The following LRIF1 variants were observed in gnomAD, a reference collection of about 807,000 sequenced individuals.
LRIF1 encodes ligand-dependent nuclear receptor-interacting factor 1.
Under a neutral mutation model 52.7 loss-of-function variants are expected in LRIF1, and 32 were observed. The observed-to-expected ratio is 0.61, with a 90% CI of 0.46 to 0.82. The LOEUF (loss-of-function observed/expected upper bound fraction) is 0.82. Among genes scored for constraint, LRIF1 ranks in the 40% least tolerant of loss-of-function variants. LRIF1 has a pLI of 0.00. For synonymous variants in LRIF1, 323 were observed against 317.4 expected (o/e 1.02, Z -0.19); for missense variants, 887 against 892.0 (o/e 0.99, Z 0.07).
At chr1:110,931,759 G>A in the LRIF1 span, among the ~76,000 whole-genome samples, 3 of 152,140 alleles carry the variant, frequency 2.0e-5, no homozygotes, top group African/African-American at 7.2e-5. Context: ...TTTTTCATAT[G>A]TTTGTTGGCT....
chr1:110,877,393 G>C, the LRIF1 span, among the ~76,000 whole-genome samples: 5 of 152,282 alleles, frequency 3.3e-5, 1 homozygote, highest in South Asian at 2.1e-4. Flanking sequence ...GAGGGACCCC[G>C]TATGTAAAGT....
chr1:110,952,567 T>A lies in LRIF1; in HGVS notation c.317A>T (p.Tyr106Phe), dbSNP rs775748979. The change falls in exon 2 of 4, where the codon TAT becomes TTT. Residue 106 changes from tyrosine (Y) to phenylalanine (F), a missense_variant. Physicochemically the swap from Tyr to Phe is conservative, Grantham distance 22. Transcript: ENST00000369763. ...TGTATCTACTGTTCTTGTAAGAAAA[T>A]AGTTTGAAGAACTGGCTGGCTGAAA... is the stretch of plus-strand genomic sequence containing the variant. ...PIFQPASSSN[Y>F]FLTRTVDTSE... 2.1e-5 allele frequency: 34 copies of A among 1,613,820 alleles called. No individual in the cohort carries two copies. In the South Asian group the frequency reaches 3.6e-4, roughly 17 times the overall value.
chr1:110,908,451 G>T, the LRIF1 span, among the ~76,000 whole-genome samples: 1 of 152,160 alleles, frequency 6.6e-6, no homozygotes, highest in Non-Finnish European at 1.5e-5. Flanking sequence ...CAATGTCAAG[G>T]AAGCTCATTG....
chr1:110,887,487 T>C, the LRIF1 span, among the ~76,000 whole-genome samples: 1 of 152,208 alleles, frequency 6.6e-6, no homozygotes, highest in African/African-American at 2.4e-5. Flanking sequence ...ATATTTTGAG[T>C]GAATCTATGT....
the LRIF1 span, chr1:110,898,979 C>T: frequency 3.3e-6 from 2 of 610,254 alleles, no homozygotes; most frequent in East Asian, 5.7e-5. Flanking sequence ...AAGGAAAGAG[C>T]TCCTGAGAGA....
chr1:110,928,615 G>A, the LRIF1 span, among the ~76,000 whole-genome samples: 1 of 152,282 alleles, frequency 6.6e-6, no homozygotes, highest in East Asian at 1.9e-4. Context: ...AGGAAAAAAT[G>A]TTAGAATACG....
rs1370414725 is a variant in LRIF1, at chr1:110,948,186, T to C, written c.2083A>G (p.Met695Val). The change falls in exon 4 of 4, where the codon ATG becomes GTG. Residue 695 changes from methionine to valine, a missense_variant. Met to Val is a conservative substitution (Grantham distance 21). Transcript: ENST00000369763. The stretch of plus-strand genomic sequence containing the variant: ...TGCTTCTCATGGGTATAGTATTCCA[T>C]CTCAGTTCTCTTTTCTTGTCTGGTT... ...SKTRQEKRTE[M>V]EYYTHEKQEK... The C allele has an allele frequency of 2.5e-6, 4 of 1,614,154 alleles. No individual in the cohort carries two copies. Among genetic ancestry groups the C allele is most frequent in the Middle Eastern group, 1.7e-4 (1 of 6,060 alleles).
At position 110,962,556 on chromosome 1, in the gene LRIF1, T is replaced by C. The variant is rs772347730; in HGVS notation, c.68+1065A>G. Among the ~76,000 whole-genome samples the C allele has an allele frequency of 1.4e-4, 21 of 151,832 alleles. 1 individual carries two copies. Among genetic ancestry groups the C allele is most frequent in the Non-Finnish European group, 2.7e-4 (18 of 67,906 alleles). On this transcript the variant is annotated intron_variant, in intron 1 of 3. Coordinates refer to ENST00000369763, the MANE Select transcript of LRIF1 (RefSeq NM_018372.4). Reference sequence around the variant, plus strand: ...GTACAGAATTAAAGTTGTATGCTTATAATAGTAATAGTTAACATTTAAATT... The same window carrying C: ...GTACAGAATTAAAGTTGTATGCTTACAATAGTAATAGTTAACATTTAAATT...
chr1:110,891,620 A>T, the LRIF1 span: 2 of 664,864 alleles, frequency 3.0e-6, no homozygotes, highest in Non-Finnish European at 2.7e-6. Flanking sequence ...AAGAGTAATA[A>T]TTTTTCCCCT....
the LRIF1 span, among the ~76,000 whole-genome samples, chr1:110,917,079 A>G: frequency 6.6e-6 from 1 of 152,188 alleles, no homozygotes; most frequent in Non-Finnish European, 1.5e-5. Context: ...GGCAGCAGCC[A>G]GTCTAGCAAT....
chr1:110,936,946 C>G, the LRIF1 span: 17 of 151,972 alleles, frequency 1.1e-4, no homozygotes, highest in African/African-American at 3.1e-4. Context: ...ATACTTATAT[C>G]ATACAAAATA....
chr1:110,946,805 C>T (rs1275619137), downstream of LRIF1, among the ~76,000 whole-genome samples: 2 of 151,814 alleles, frequency 1.3e-5, no homozygotes, highest in South Asian at 2.1e-4. Flanking sequence ...TACAGGTGCC[C>T]GCCACTGTGC....
chr1:110,919,662 T>C, the LRIF1 span, among the ~76,000 whole-genome samples: 8 of 152,278 alleles, frequency 5.3e-5, no homozygotes, highest in East Asian at 1.2e-3. Context: ...AAATCAGTAG[T>C]ATGATAACTT....
chr1:110,942,971 T>C (rs1658124986), downstream of LRIF1, among the ~76,000 whole-genome samples: 1 of 152,074 alleles, frequency 6.6e-6, no homozygotes, highest in African/African-American at 2.4e-5. Context: ...CATAAAAAGA[T>C]TGAGCTCTAA....
chr1:110,940,828 A>G, the LRIF1 span: 1 of 152,166 alleles, frequency 6.6e-6, no homozygotes, highest in Non-Finnish European at 1.5e-5. Context: ...GAGGCTGGGA[A>G]GGGTACTTGG....
At chr1:110,909,123 C>T in the LRIF1 span, among the ~76,000 whole-genome samples, 7 of 152,130 alleles carry the variant, frequency 4.6e-5, no homozygotes, top group African/African-American at 1.2e-4. Context: ...TCTAGCCAAA[C>T]TAAGCTTCAT....
At chr1:110,918,699 T>G in the LRIF1 span, among the ~76,000 whole-genome samples, 1 of 152,092 alleles carries the variant, frequency 6.6e-6, no homozygotes, top group Admixed American at 6.5e-5. Context: ...CACCCAAAAA[T>G]GTATTGAGCA....
chr1:110,940,805 A>T, the LRIF1 span: 1 of 152,118 alleles, frequency 6.6e-6, no homozygotes, highest in African/African-American at 2.4e-5. Context: ...TGGAGATAGT[A>T]GGATAGTTAT....
At chr1:110,915,547 A>T in the LRIF1 span, among the ~76,000 whole-genome samples, 3 of 152,090 alleles carry the variant, frequency 2.0e-5, no homozygotes, top group African/African-American at 7.3e-5. Context: ...AATGTACAAA[A>T]CCGTATTATT....
Sources: gnomAD v4.1 joint callset for allele counts (sites outside exome capture counted in the v4.1 genomes callset) on GRCh38, gnomAD v4.1.1 for gene constraint, MANE v1.5 for transcripts, NCBI Gene and HGNC (gene_info 2026-07-23, HGNC 2026-07-21) for gene names.